GRIK2: variants seen among roughly 807,000 people sequenced by gnomAD.
GRIK2 encodes glutamate ionotropic receptor kainate type subunit 2.
In GRIK2, 32 loss-of-function variants were observed where a neutral mutation model predicts 100.3. The observed-to-expected ratio is 0.32, with a 90% confidence interval of 0.24 to 0.43. The LOEUF is 0.43. Among genes scored for constraint, GRIK2 ranks in the 20% least tolerant of loss-of-function variants. GRIK2 has a pLI of 1.00. For missense variants in GRIK2, 843 were observed against 1,114.9 expected, an observed-to-expected ratio of 0.76 and a Z score of 3.47; for synonymous variants, 417 against 389.4, an observed-to-expected ratio of 1.07 and a Z score of -0.83.
At chr6:101,793,782 C>G (rs953560385) in intron 7 of GRIK2, among the ~76,000 whole-genome samples, 2 of 152,150 alleles carry the variant, frequency 1.3e-5, no homozygotes, top group African/African-American at 2.4e-5. Flanking sequence ...TTACTGCTGT[C>G]TTTTTGTTTG....
At chr6:101,779,691 T>C (rs1486453205) in intron 7 of GRIK2, among the ~76,000 whole-genome samples, 1 of 152,154 alleles carries the variant, frequency 6.6e-6, no homozygotes, top group African/African-American at 2.4e-5. Context: ...GGCTGGTACC[T>C]ACCTAATTTG....
chr6:101,485,610 A>G (rs963942121), intron 2 of GRIK2, among the ~76,000 whole-genome samples: 5 of 152,194 alleles, frequency 3.3e-5, no homozygotes, highest in South Asian at 2.1e-4. Flanking sequence ...AATTTAGAAA[A>G]GGATTTGCAC....
chr6:101,524,419 A>G (rs1582640039), intron 2 of GRIK2, among the ~76,000 whole-genome samples: 1 of 152,066 alleles, frequency 6.6e-6, no homozygotes, highest in East Asian at 1.9e-4. Context: ...TCACAGATAT[A>G]TAATTTCTAA....
intron 4 of GRIK2, among the ~76,000 whole-genome samples, chr6:101,647,308 A>G (rs894193780): frequency 6.6e-6 from 1 of 151,496 alleles, no homozygotes; most frequent in Non-Finnish European, 1.5e-5. Flanking sequence ...TAGGGTCCAC[A>G]GCTATCTACA....
chr6:101,534,907 A>G (rs759128910), intron 2 of GRIK2, among the ~76,000 whole-genome samples: 5 of 150,806 alleles, frequency 3.3e-5, no homozygotes, highest in African/African-American at 4.9e-5. Flanking sequence ...TAAGCCGTGT[A>G]CTTGAACAGC....
Position 102,069,412 on chromosome 6 carries a change from G to A in GRIK2, c.*901G>A, listed in dbSNP as rs1192504659. 1 of 151,522 alleles carries A rather than the reference G, an allele frequency of 6.6e-6. No individual in the cohort carries two copies. The highest frequency in any genetic ancestry group is 6.6e-5 in the Admixed American group (1 of 15,146). 9.4% of individuals were successfully genotyped at this position (151,522 alleles called of 1,614,324 possible). On this transcript the variant is annotated 3_prime_UTR_variant, in exon 17 of 17. Coordinates refer to ENST00000369134, the MANE Select transcript of GRIK2 (RefSeq NM_021956.5). ...TGTTCAAGTTGTAAAAACTGGCCGA[G>A]TATTGGCTGTGTGGAAGACTAAAGC...
intron 11 of GRIK2, 30 bp downstream of exon 11, chr6:101,859,523 T>C (rs374766567): frequency 8.9e-5 from 110 of 1,236,736 alleles, no homozygotes; most frequent in Non-Finnish European, 1.2e-4. Flanking sequence ...ATTTATTAGT[T>C]TGTTATGTTG....
At chr6:101,947,429 T>G (rs541632023) in intron 14 of GRIK2, among the ~76,000 whole-genome samples, 1 of 152,310 alleles carries the variant, frequency 6.6e-6, no homozygotes, top group East Asian at 1.9e-4. Flanking sequence ...ATCATTATTT[T>G]AATTTGGTTT....
chr6:101,836,619 T>TGTGTATA (rs1434984767), intron 10 of GRIK2, among the ~76,000 whole-genome samples: 1 of 135,112 alleles, frequency 7.4e-6, no homozygotes, highest in African/African-American at 2.8e-5. Context: ...ATATATATAG[T>TGTGTATA]TATATATATA....
Position 102,068,377 on chromosome 6 carries a change from T to C in GRIK2, c.2593T>C (p.Leu865=), listed in dbSNP as rs753791913. Residue 865 remains leucine, a synonymous_variant, in exon 17 of 17, where the codon TTG becomes CTG. Transcript: ENST00000369134. ...CTTCTGTAGTGCCATGGTAGAAGAA[T>C]TGAGGATGTCCCTGAAGTGCCAGCG... ...RSFCSAMVEE[L]RMSLKCQRRL... 3.7e-6 allele frequency: 6 copies of C among 1,611,750 alleles called. No homozygotes were observed. In the Admixed American group the frequency reaches 5.0e-5, roughly 13 times the overall value.
chr6:101,962,491 G>T (rs1357905334), intron 14 of GRIK2, among the ~76,000 whole-genome samples: 1 of 152,118 alleles, frequency 6.6e-6, no homozygotes, highest in Admixed American at 6.5e-5. Context: ...CTTGAGAAGG[G>T]TGTATATTTT....
chr6:101,410,782 C>T (rs1378132785), intron 2 of GRIK2, among the ~76,000 whole-genome samples: 2 of 152,050 alleles, frequency 1.3e-5, no homozygotes, highest in African/African-American at 4.8e-5. Context: ...ACCCCTGAAC[C>T]TAAAGTCAAA....
At chr6:101,438,351 A>G (rs941109049) in intron 2 of GRIK2, among the ~76,000 whole-genome samples, 3 of 152,060 alleles carry the variant, frequency 2.0e-5, no homozygotes, top group African/African-American at 7.2e-5. Context: ...AGAATGACAT[A>G]ATTGACCAGA....
intron 2 of GRIK2, among the ~76,000 whole-genome samples, chr6:101,421,580 A>G (rs1776412426): frequency 2.0e-5 from 3 of 152,216 alleles, no homozygotes; most frequent in Non-Finnish European, 4.4e-5. Context: ...GAAGGGTTAA[A>G]GAACATTACT....
Position 101,415,962 on chromosome 6 carries a change from A to G in GRIK2, c.115+16570A>G, listed in dbSNP as rs146487015. Among the ~76,000 whole-genome samples the G allele has an allele frequency of 5.1e-3, 778 of 152,330 alleles. 10 individuals are homozygous for G. Among genetic ancestry groups the G allele is most frequent in the African/African-American group, 0.018 (740 of 41,578 alleles). ...CAAAGTACTTAGTAAAGTGTGTGGC[A>G]CCTAAGTCCCTAATAAGTGCTAGCA... is the stretch of plus-strand genomic sequence containing the variant. On this transcript the variant is annotated intron_variant, in intron 2 of 16. Transcript: ENST00000369134.
In GRIK2 at chr6:101,820,442, C is replaced by G. The variant is rs190775031; in HGVS notation, c.1317+1959C>G. Among the ~76,000 whole-genome samples, 32 of 151,274 alleles carry G rather than the reference C, an allele frequency of 2.1e-4. 1 individual carries two copies. The East Asian group carries it at 5.8e-3, about 27-fold the overall frequency. ...GGCTCCAAATCTTCGCTCAATTCTTCTTCTTCTCCTCCTCCTTCTTCTTCG... is the reference window on the plus strand; with the variant it reads ...GGCTCCAAATCTTCGCTCAATTCTTGTTCTTCTCCTCCTCCTTCTTCTTCG... On this transcript the variant is annotated intron_variant, in intron 10 of 16. Coordinates refer to ENST00000369134, the MANE Select transcript of GRIK2 (RefSeq NM_021956.5).
At chr6:101,792,633 C>G (rs966948914) in intron 7 of GRIK2, among the ~76,000 whole-genome samples, 1 of 152,174 alleles carries the variant, frequency 6.6e-6, no homozygotes, top group East Asian at 1.9e-4. Context: ...CTCTGGCTGC[C>G]GTTAACATTT....
chr6:101,661,286 T>G (rs1469297869), intron 4 of GRIK2, among the ~76,000 whole-genome samples: 1 of 152,040 alleles, frequency 6.6e-6, no homozygotes, highest in Non-Finnish European at 1.5e-5. Context: ...AGGGGAAAAT[T>G]GCCTACTCAA....
intron 2 of GRIK2, among the ~76,000 whole-genome samples, chr6:101,410,462 C>T (rs750823625): frequency 7.2e-5 from 11 of 151,942 alleles, no homozygotes; most frequent in Non-Finnish European, 1.5e-5. Context: ...GATTTTGGTA[C>T]CACCCCTAGA....
Sources: allele counts gnomAD v4.1 joint callset (sites outside exome capture counted in the v4.1 genomes callset), GRCh38; gene constraint gnomAD v4.1.1; transcripts MANE v1.5; gene names NCBI Gene and HGNC (gene_info 2026-07-23, HGNC 2026-07-21).